The following CARNMT1 variants were observed in gnomAD, a reference collection of about 807,000 sequenced individuals.
The protein encoded by CARNMT1 is carnosine N-methyltransferase 1, also known as protein-L-histidine N-pros-methyltransferase CARNMT1.
CARNMT1 carries 28 observed loss-of-function variants against 49.6 expected under a neutral mutation model. The ratio of observed to expected loss-of-function variants is 0.56; its 90% CI spans 0.42 to 0.77. The LOEUF is 0.77. CARNMT1 is among the 30% of genes least tolerant of loss of function. CARNMT1 has a pLI of 0.00. For missense variants in CARNMT1, 421 were observed against 512.6 expected (o/e 0.82, Z 1.73); for synonymous variants, 178 against 175.0 (o/e 1.02, Z -0.13).
At chr9:75,007,181 A>G (rs558167792) in intron 3 of CARNMT1, among the ~76,000 whole-genome samples, 1 of 152,328 alleles carries the variant, frequency 6.6e-6, no homozygotes, top group African/African-American at 2.4e-5. Flanking sequence ...GGCACTGAAT[A>G]TATTGAGAGA....
intron 1 of CARNMT1, among the ~76,000 whole-genome samples, chr9:75,019,679 C>T (rs1050094057): frequency 6.6e-6 from 1 of 152,224 alleles, no homozygotes; most frequent in Non-Finnish European, 1.5e-5. Context: ...GCTGAAGAAT[C>T]CTTAAAACCC....
intron 1 of CARNMT1, among the ~76,000 whole-genome samples, chr9:75,025,349 C>T (rs534664116): frequency 6.6e-6 from 1 of 152,292 alleles, no homozygotes; most frequent in East Asian, 1.9e-4. Context: ...TCTGAGCTTA[C>T]TGCAAAAGCA....
At position 74,998,588 on chromosome 9, in the gene CARNMT1, T is replaced by G. The variant is rs1833265143; in HGVS notation, c.910+10A>C. The G allele has an allele frequency of 6.5e-7, 1 of 1,546,322 alleles. No individual in the cohort carries two copies. On this transcript the variant is annotated intron_variant, in intron 5 of 7. Coordinates refer to ENST00000376834, the MANE Select transcript of CARNMT1 (RefSeq NM_152420.3). ...GGACAAGACTTTTTAAACGCTTGATTTGGACTTACTGCATTCTGAATAAAT... is the reference window on the plus strand; with the variant it reads ...GGACAAGACTTTTTAAACGCTTGATGTGGACTTACTGCATTCTGAATAAAT...
At chr9:75,013,323 G>C (rs1833755302) in intron 3 of CARNMT1, among the ~76,000 whole-genome samples, 1 of 152,010 alleles carries the variant, frequency 6.6e-6, no homozygotes, top group African/African-American at 2.4e-5. Context: ...AATGTGGTAA[G>C]GGGAAATCAG....
rs560967707 is a variant in CARNMT1 at position 74,999,423 on chromosome 9, A to C, written c.731+307T>G. ...AGGAAGTAAAGAAGCTTAAGGAATA[A>C]ATTTAGAAATACTCCTTCCTGGTTC... is the stretch of plus-strand genomic sequence containing the variant. On this transcript the variant is annotated intron_variant, in intron 4 of 7. Coordinates refer to ENST00000376834, the MANE Select transcript of CARNMT1 (RefSeq NM_152420.3). 6.6e-5 allele frequency among the ~76,000 whole-genome samples: 10 copies of C among 152,292 alleles called. No homozygotes were observed. In the South Asian group the frequency reaches 2.1e-3, roughly 32 times the overall value.
At chr9:75,016,170 G>T in intron 3 of CARNMT1, 98 bp downstream of exon 3, 2 of 878,638 alleles carry the variant, frequency 2.3e-6, no homozygotes, top group Non-Finnish European at 3.6e-6. Context: ...CAGGCACACA[G>T]CAACTATAAC....
intron 1 of CARNMT1, 95 bp from the exon 2 acceptor site, chr9:75,017,543 A>C: frequency 1.0e-6 from 1 of 961,686 alleles, no homozygotes; most frequent in South Asian, 1.6e-5. Context: ...TTATTTCCTT[A>C]TTATGCTGGA....
rs139985684 is a variant in CARNMT1, at chr9:74,994,620, G to A, written c.1024+1827C>T. On this transcript the variant is annotated intron_variant, in intron 6 of 7. Transcript: ENST00000376834. ...GGAAAAGCCATGAGATTAGGTAGGAGGAATATGGAGTCAAAAATGAGTACA... is the reference window on the plus strand; with the variant it reads ...GGAAAAGCCATGAGATTAGGTAGGAAGAATATGGAGTCAAAAATGAGTACA... Among the ~76,000 whole-genome samples, 830 of 152,138 alleles carry A rather than the reference G, an allele frequency of 5.5e-3. 7 individuals carry two copies. The highest frequency in any genetic ancestry group is 0.019 in the African/African-American group (796 of 41,516).
At chr9:75,022,592 T>C in intron 1 of CARNMT1, among the ~76,000 whole-genome samples, 1 of 152,150 alleles carries the variant, frequency 6.6e-6, no homozygotes, top group East Asian at 1.9e-4. Flanking sequence ...TTTACATTCC[T>C]AACAGCAGAG....
chr9:75,027,904 G>A, intron 1 of CARNMT1, 108 bp downstream of exon 1: 1 of 1,245,170 alleles, frequency 8.0e-7, no homozygotes, highest in Non-Finnish European at 1.1e-6. Context: ...GGGTCCCGAC[G>A]CCTCGGAGGC....
intron 6 of CARNMT1, among the ~76,000 whole-genome samples, chr9:74,991,989 A>G (rs1833034884): frequency 6.6e-6 from 1 of 151,948 alleles, no homozygotes; most frequent in African/African-American, 2.4e-5. Context: ...AAAAAATTCT[A>G]GGCCAGGCAC....
At chr9:75,017,979 T>C (rs1454708920) in intron 1 of CARNMT1, among the ~76,000 whole-genome samples, 1 of 152,158 alleles carries the variant, frequency 6.6e-6, no homozygotes, top group African/African-American at 2.4e-5. Context: ...CAATTTGCAT[T>C]CCAAAAACGA....
At chr9:75,008,861 T>C (rs1259384980) in intron 3 of CARNMT1, among the ~76,000 whole-genome samples, 5 of 152,012 alleles carry the variant, frequency 3.3e-5, no homozygotes, top group Non-Finnish European at 7.4e-5. Context: ...CCCAAAATAA[T>C]CTTGAAAAAC....
At chr9:74,989,963 A>C (rs1832964951) in intron 6 of CARNMT1, among the ~76,000 whole-genome samples, 1 of 152,256 alleles carries the variant, frequency 6.6e-6, no homozygotes, top group South Asian at 2.1e-4. Flanking sequence ...ATGGCGAGAA[A>C]GATAGCAAGA....
chr9:74,985,759 T>C (rs959675670), intron 6 of CARNMT1, among the ~76,000 whole-genome samples: 4 of 152,192 alleles, frequency 2.6e-5, no homozygotes, highest in African/African-American at 9.7e-5. Context: ...TTTATATTTT[T>C]AGTAGAGACA....
chr9:75,004,717 A>G (rs1005850259), intron 3 of CARNMT1, among the ~76,000 whole-genome samples: 1 of 152,232 alleles, frequency 6.6e-6, no homozygotes, highest in Admixed American at 6.5e-5. Flanking sequence ...TAAAGCTCAG[A>G]GTATTTTTTT....
chr9:75,017,904 T>C (rs1021203813), intron 1 of CARNMT1, among the ~76,000 whole-genome samples: 3 of 152,152 alleles, frequency 2.0e-5, no homozygotes, highest in African/African-American at 7.2e-5. Flanking sequence ...GAAGATCTTA[T>C]ATACTACAAA....
At chr9:74,999,276 C>T (rs1224567839) in intron 4 of CARNMT1, among the ~76,000 whole-genome samples, 1 of 152,110 alleles carries the variant, frequency 6.6e-6, no homozygotes, top group East Asian at 1.9e-4. Context: ...AAAGAGGCCA[C>T]AGAAGTTCTG....
At chr9:75,009,762 G>T (rs1219315735) in intron 3 of CARNMT1, 2 of 149,148 alleles carry the variant, frequency 1.3e-5, no homozygotes, top group East Asian at 2.0e-4. Context: ...TTACTTTATT[G>T]TCTACTATTC....
Sources: allele counts gnomAD v4.1 joint callset (sites outside exome capture counted in the v4.1 genomes callset), GRCh38; gene constraint gnomAD v4.1.1; transcripts MANE v1.5; gene names NCBI Gene and HGNC (gene_info 2026-07-23, HGNC 2026-07-21).